Variants in RBFOX1 observed in about 807,000 individuals in gnomAD.
The protein encoded by RBFOX1 is RNA binding fox-1 homolog 1, also known as RNA binding protein fox-1 homolog 1.
Under a neutral mutation model 57.7 loss-of-function variants are expected in RBFOX1, and 8 were observed. That is an observed-to-expected ratio of 0.14 (90% CI 0.08 to 0.25). The LOEUF (loss-of-function observed/expected upper bound fraction) is 0.25. Ranked by LOEUF, RBFOX1 falls within the 10% of genes least tolerant of loss-of-function variation. The pLI, the probability that RBFOX1 is intolerant of heterozygous loss-of-function variation, is 1.00. For synonymous variants in RBFOX1, 326 were observed against 222.4 expected (o/e 1.47, Z -4.15); for missense variants, 611 against 548.5 (o/e 1.11, Z -1.14).
chr16:6,586,604 C>T (rs1548857), intron 2 of RBFOX1, among the ~76,000 whole-genome samples: 5 of 152,078 alleles, frequency 3.3e-5, no homozygotes, highest in Non-Finnish European at 7.3e-5. Flanking sequence ...GCCAGGAATA[C>T]TTCTTCCCAC....
intron 2 of RBFOX1, among the ~76,000 whole-genome samples, chr16:6,337,757 T>A (rs1035868337): frequency 9.9e-5 from 15 of 152,188 alleles, no homozygotes; most frequent in African/African-American, 3.6e-4. Flanking sequence ...AGTATTAAAG[T>A]GACAGTGGCA....
chr16:7,016,913 C>A (rs1029689330), intron 3 of RBFOX1, among the ~76,000 whole-genome samples: 1 of 152,136 alleles, frequency 6.6e-6, no homozygotes, highest in Non-Finnish European at 1.5e-5. Context: ...ACCTTGAAAT[C>A]CCTCACTGGC....
intron 11 of RBFOX1, among the ~76,000 whole-genome samples, chr16:7,652,557 G>A (rs190307775): frequency 5.3e-5 from 8 of 152,204 alleles, no homozygotes; most frequent in East Asian, 1.9e-4. Context: ...ATAGGCATGC[G>A]CCACCACGCC....
At chr16:6,201,562 A>C (rs112184840) in intron 1 of RBFOX1, among the ~76,000 whole-genome samples, 1 of 152,130 alleles carries the variant, frequency 6.6e-6, no homozygotes, top group African/African-American at 2.4e-5. Flanking sequence ...TAATGGGTGT[A>C]AAAATACAGT....
chr16:5,311,923 C>T (rs1362691507), intron 1 of RBFOX1, among the ~76,000 whole-genome samples: 1 of 152,132 alleles, frequency 6.6e-6, no homozygotes. Context: ...TGTTACGGTG[C>T]TGTAATAATC....
At chr16:5,800,558 G>A (rs146514364) in intron 3 of RBFOX1, among the ~76,000 whole-genome samples, 1 of 152,160 alleles carries the variant, frequency 6.6e-6, no homozygotes, top group African/African-American at 2.4e-5. Context: ...TGGGACAGAT[G>A]ACCAAGGATG....
intron 14 of RBFOX1, among the ~76,000 whole-genome samples, chr16:7,688,234 TGTGTGTGTGTGTGTGTGTGTGTGTGTGA>T (rs918698665): frequency 1.2e-4 from 5 of 40,668 alleles, no homozygotes; most frequent in African/African-American, 4.4e-4. Context: ...TGTGTGTGTG[TGTGTGTGTGTGTGTGTGTGTGTGTGTGA>T]GAGAGAGAGA....
At chr16:7,185,194 CCTCTCT>C (rs5815381) in intron 4 of RBFOX1, among the ~76,000 whole-genome samples, 113 of 150,428 alleles carry the variant, frequency 7.5e-4, no homozygotes, top group Non-Finnish European at 4.0e-4. Context: ...TCACATTATA[CCTCTCT>C]CTCTCTCTCT....
In RBFOX1 at chr16:6,283,011, T is replaced by C. The variant is rs550503476; in HGVS notation, c.-126-33984T>C. ...CTGTTGCAAAGTGACTGAGTCTAGA[T>C]GTGCTCCTACATCTGACTCTAAAAC... is the stretch of plus-strand genomic sequence containing the variant. On this transcript the variant is annotated intron_variant, in intron 1 of 15. Transcript: ENST00000550418. Among the ~76,000 whole-genome samples, 3 of 152,306 alleles carry C rather than the reference T, an allele frequency of 2.0e-5. No individual in the cohort carries two copies. In the South Asian group the frequency reaches 6.2e-4, roughly 32 times the overall value.
At chr16:6,929,303 A>G (rs1489248511) in intron 3 of RBFOX1, among the ~76,000 whole-genome samples, 1 of 152,128 alleles carries the variant, frequency 6.6e-6, no homozygotes, top group Non-Finnish European at 1.5e-5. Flanking sequence ...GCTCTGGTAA[A>G]TGGAAGAGGG....
In RBFOX1 at chr16:7,233,690, G is replaced by A. The variant is rs144948922; in HGVS notation, c.27+181592G>A. Among the ~76,000 whole-genome samples the A allele has an allele frequency of 3.2e-4, 49 of 152,290 alleles. 1 individual carries two copies. Among genetic ancestry groups the A allele is most frequent in the African/African-American group, 6.7e-4 (28 of 41,562 alleles). The stretch of plus-strand genomic sequence containing the variant: ...AATGCGACCTTAGCAAAAGATGGGG[G>A]CCCCATGAACTTCCAACTCGTCTTT... On this transcript the variant is annotated intron_variant, in intron 4 of 15. Transcript: ENST00000550418.
intron 3 of RBFOX1, among the ~76,000 whole-genome samples, chr16:6,871,767 T>C (rs970852483): frequency 4.6e-5 from 7 of 152,174 alleles, no homozygotes; most frequent in Non-Finnish European, 7.3e-5. Flanking sequence ...AAATTTCTAC[T>C]CTACCTTCCG....
intron 2 of RBFOX1, among the ~76,000 whole-genome samples, chr16:6,546,336 A>C (rs2096895154): frequency 1.3e-5 from 2 of 152,214 alleles, no homozygotes; most frequent in Non-Finnish European, 2.9e-5. Flanking sequence ...ATAGGGTATT[A>C]GTTAGTATCA....
chr16:7,706,203 A>T (rs989677694), intron 14 of RBFOX1, among the ~76,000 whole-genome samples: 1 of 152,168 alleles, frequency 6.6e-6, no homozygotes, highest in Non-Finnish European at 1.5e-5. Context: ...TTAGCATTTG[A>T]AAAGAAGCCT....
At chr16:6,095,601 C>T (rs1032990248) in intron 1 of RBFOX1, among the ~76,000 whole-genome samples, 4 of 152,158 alleles carry the variant, frequency 2.6e-5, no homozygotes, top group Non-Finnish European at 4.4e-5. Flanking sequence ...AAGTTTGAAC[C>T]TGATAAAGCC....
intron 4 of RBFOX1, among the ~76,000 whole-genome samples, chr16:7,180,964 G>C (rs1008185281): frequency 1.1e-4 from 16 of 152,208 alleles, no homozygotes; most frequent in African/African-American, 3.1e-4. Context: ...ACTCAGCTTT[G>C]CAGTTGTAGA....
At chr16:7,081,137 C>T (rs1336597760) in intron 4 of RBFOX1, among the ~76,000 whole-genome samples, 2 of 152,130 alleles carry the variant, frequency 1.3e-5, no homozygotes, top group Non-Finnish European at 2.9e-5. Flanking sequence ...CAGGTTGAAG[C>T]GATTCTCCTG....
intron 2 of RBFOX1, among the ~76,000 whole-genome samples, chr16:5,493,964 TA>T (rs1191548473): frequency 6.6e-6 from 1 of 152,046 alleles, no homozygotes; most frequent in Admixed American, 6.5e-5. Flanking sequence ...GGATAGAAAA[TA>T]AAGAGATTTC....
chr16:7,255,794 T>C (rs2094653969), intron 4 of RBFOX1, among the ~76,000 whole-genome samples: 1 of 152,120 alleles, frequency 6.6e-6, no homozygotes, highest in African/African-American at 2.4e-5. Flanking sequence ...ATATTTTACA[T>C]TTTTTTGTGC....
Sources: gnomAD v4.1 joint callset for allele counts (sites outside exome capture counted in the v4.1 genomes callset) on GRCh38, gnomAD v4.1.1 for gene constraint, MANE v1.5 for transcripts, NCBI Gene and HGNC (gene_info 2026-07-23, HGNC 2026-07-21) for gene names.